Variants in CPEB1 observed in about 807,000 individuals in gnomAD.
The protein encoded by CPEB1 is cytoplasmic polyadenylation element-binding protein 1.
CPEB1 carries 7 observed loss-of-function variants against 65.8 expected under a neutral mutation model. That is an observed-to-expected ratio of 0.11 (90% CI 0.06 to 0.20). CPEB1 has a LOEUF of 0.20. Ranked by LOEUF, CPEB1 falls within the 10% of genes least tolerant of loss-of-function variation. CPEB1 has a pLI of 1.00. For synonymous variants in CPEB1, 262 were observed against 260.0 expected (o/e 1.01, Z -0.08); for missense variants, 551 against 712.2 (o/e 0.77, Z 2.58).
intron 3 of CPEB1, among the ~76,000 whole-genome samples, chr15:82,592,262 T>A (rs554318006): frequency 6.6e-6 from 1 of 152,104 alleles, no homozygotes; most frequent in East Asian, 1.9e-4. Flanking sequence ...TACAATAGAG[T>A]CACAACCTTT....
At chr15:82,574,722 CAAAAAAAAAAAAAAAA>C (rs534968367) in intron 3 of CPEB1, among the ~76,000 whole-genome samples, 1 of 53,506 alleles carries the variant, frequency 1.9e-5, no homozygotes, top group African/African-American at 7.3e-5. Flanking sequence ...GACTCGGTCT[CAAAAAAAAAAAAAAAA>C]AAAAAAAAAA....
chr15:82,646,811 C>T (rs1435304380), intron 1 of CPEB1, among the ~76,000 whole-genome samples: 1 of 152,100 alleles, frequency 6.6e-6, no homozygotes, highest in African/African-American at 2.4e-5. Flanking sequence ...TGGGACACCC[C>T]AAGGTGAGGA....
In CPEB1 at chr15:82,571,345, C is replaced by T. The variant is rs201493089; in HGVS notation, c.459G>A (p.Ser153=). The T allele has an allele frequency of 2.7e-4, 427 of 1,610,486 alleles. 1 individual carries two copies. The Middle Eastern group carries it at 3.1e-3, about 12-fold the overall frequency. ...GCCAACTCATTCTCTGGCACTCACC[C>T]GAGTGTGTGCTGCTCTGGGCTGAGG... ...SDSSAQSSTH[S]VLSMLHNPLG... is the part of the protein sequence containing the mutation. Residue 153 remains serine, a splice_region_variant and synonymous_variant, in exon 4 of 13, where the codon TCG becomes TCA. Coordinates refer to ENST00000684509, the MANE Select transcript of CPEB1 (RefSeq NM_001365242.1).
intron 3 of CPEB1, among the ~76,000 whole-genome samples, chr15:82,582,244 G>A (rs1263478716): frequency 6.6e-6 from 1 of 152,156 alleles, no homozygotes; most frequent in Non-Finnish European, 1.5e-5. Context: ...ACTAAAGTAA[G>A]TTCTAATTTG....
At chr15:82,562,250 TAC>T (rs1170728434) in intron 4 of CPEB1, 1 of 454,230 alleles carries the variant, frequency 2.2e-6, no homozygotes, top group East Asian at 7.0e-5. Context: ...GACCATCAAC[TAC>T]AGACTACTGA....
At chr15:82,603,446 CA>C in intron 3 of CPEB1, among the ~76,000 whole-genome samples, 1 of 150,728 alleles carries the variant, frequency 6.6e-6, no homozygotes, top group African/African-American at 2.4e-5. Context: ...ACAGGCTAAC[CA>C]AAAAAGCTTA....
intron 3 of CPEB1, among the ~76,000 whole-genome samples, chr15:82,599,639 A>C (rs2042940208): frequency 6.6e-6 from 1 of 152,234 alleles, no homozygotes; most frequent in Non-Finnish European, 1.5e-5. Context: ...TGCCCATCTC[A>C]GCAAAGATGG....
intron 1 of CPEB1, chr15:82,630,114 C>T (rs2046116204): frequency 1.0e-6 from 1 of 985,294 alleles, no homozygotes; most frequent in African/African-American, 1.7e-5. Flanking sequence ...AGATTTATAA[C>T]CTGCAGAGAG....
chr15:82,606,625 C>T lies in CPEB1; in HGVS notation c.271+20568G>A, dbSNP rs548275388. Among the ~76,000 whole-genome samples the T allele has an allele frequency of 1.9e-3, 211 of 111,540 alleles. 51 individuals are homozygous for T. Among genetic ancestry groups the T allele is most frequent in the Non-Finnish European group, 2.9e-3 (156 of 53,762 alleles). 73.2% of individuals were successfully genotyped at this position (111,540 alleles called of 152,430 possible). A position where few individuals can be genotyped will look rare whatever the true frequency, so the allele number is the denominator to read the frequency against. ...CGAGGTCAGGAGATCGAGACCATCCCGGCTAAAATGGTGAAACCCCGTCTC... is the reference window on the plus strand; with the variant it reads ...CGAGGTCAGGAGATCGAGACCATCCTGGCTAAAATGGTGAAACCCCGTCTC... On this transcript the variant is annotated intron_variant, in intron 3 of 12. Coordinates refer to ENST00000684509, the MANE Select transcript of CPEB1 (RefSeq NM_001365242.1).
In CPEB1 at chr15:82,551,858, C is replaced by A. The variant is rs531094093; in HGVS notation, c.1281+622G>T. ...GTGATTCAGTAAGTCTGGGATAAGG[C>A]CCAAGAATGTGCAATGAGATCCCCA... On this transcript the variant is annotated intron_variant, in intron 9 of 12. Coordinates refer to ENST00000684509, the MANE Select transcript of CPEB1 (RefSeq NM_001365242.1). Among the ~76,000 whole-genome samples, 18 of 152,234 alleles carry A rather than the reference C, an allele frequency of 1.2e-4. No individual in the cohort carries two copies. The South Asian group carries it at 3.3e-3, about 28-fold the overall frequency.
intron 1 of CPEB1, chr15:82,629,457 T>C (rs564885051): frequency 1.0e-6 from 1 of 980,028 alleles, no homozygotes; most frequent in East Asian, 1.1e-4. Flanking sequence ...CCTATATATA[T>C]ATATAAAAAA....
intron 3 of CPEB1, among the ~76,000 whole-genome samples, chr15:82,578,735 C>A (rs985857515): frequency 1.3e-5 from 2 of 152,038 alleles, no homozygotes; most frequent in South Asian, 4.2e-4. Context: ...CCAGCCTGGG[C>A]AACAAAGCAA....
chr15:82,628,517 C>A lies in CPEB1; in HGVS notation c.-58G>T, dbSNP rs919684194. 5 of 698,614 alleles carry A rather than the reference C, an allele frequency of 7.2e-6. No individual in the cohort carries two copies. Among genetic ancestry groups the A allele is most frequent in the Non-Finnish European group, 1.0e-5 (4 of 383,676 alleles). The allele number at this position is 698,614 out of a possible 1,614,324, so 43.3% of individuals were successfully genotyped here. ...GATTATTCAAGGCTGCTTTTGACTT[C>A]TTTTACAATACAGACCCTTCTATTA... On this transcript the variant is annotated 5_prime_UTR_variant, in exon 2 of 13. Coordinates refer to ENST00000684509, the MANE Select transcript of CPEB1 (RefSeq NM_001365242.1).
At chr15:82,641,128 GGATGTCAGA>G (rs2047074688) in intron 1 of CPEB1, among the ~76,000 whole-genome samples, 1 of 152,122 alleles carries the variant, frequency 6.6e-6, no homozygotes, top group South Asian at 2.1e-4. Flanking sequence ...CATGAAAAGA[GGATGTCAGA>G]GATTATATCT....
At chr15:82,634,888 C>T (rs556846945) in intron 1 of CPEB1, among the ~76,000 whole-genome samples, 5 of 152,272 alleles carry the variant, frequency 3.3e-5, no homozygotes, top group South Asian at 2.1e-4. Flanking sequence ...AACAGAGTCT[C>T]GCTCTGTCGC....
chr15:82,575,418 GTTTC>G (rs975815573), intron 3 of CPEB1, among the ~76,000 whole-genome samples: 1 of 152,038 alleles, frequency 6.6e-6, no homozygotes, highest in Non-Finnish European at 1.5e-5. Context: ...AGAAGCAAGG[GTTTC>G]TTTATGTAGA....
intron 3 of CPEB1, among the ~76,000 whole-genome samples, chr15:82,620,930 T>C (rs2045245818): frequency 6.6e-6 from 1 of 152,236 alleles, no homozygotes; most frequent in African/African-American, 2.4e-5. Flanking sequence ...GTGTTCAGTA[T>C]ATAAAAATTC....
At chr15:82,622,814 C>G (rs974390832) in intron 3 of CPEB1, among the ~76,000 whole-genome samples, 1 of 152,186 alleles carries the variant, frequency 6.6e-6, no homozygotes, top group African/African-American at 2.4e-5. Flanking sequence ...AAATACTTCT[C>G]TTGGAAGACC....
At chr15:82,589,704 G>A (rs953918203) in intron 3 of CPEB1, among the ~76,000 whole-genome samples, 1 of 151,222 alleles carries the variant, frequency 6.6e-6, no homozygotes, top group Non-Finnish European at 1.5e-5. Flanking sequence ...CTGGGCAACA[G>A]AGCAAGACTC....
Sources: gnomAD v4.1 joint callset for allele counts (sites outside exome capture counted in the v4.1 genomes callset) on GRCh38, gnomAD v4.1.1 for gene constraint, MANE v1.5 for transcripts, NCBI Gene and HGNC (gene_info 2026-07-23, HGNC 2026-07-21) for gene names.